The following ITGAE variants were observed in gnomAD, a reference collection of about 807,000 sequenced individuals.
ITGAE encodes integrin subunit alpha E.
ITGAE carries 99 observed loss-of-function variants against 136.5 expected under a neutral mutation model. The observed-to-expected ratio is 0.73, with a 90% CI of 0.62 to 0.86. ITGAE has a LOEUF of 0.86. Among genes scored for constraint, ITGAE ranks in the 40% least tolerant of loss-of-function variants. The pLI is 0.00. For synonymous variants in ITGAE, 613 were observed against 591.8 expected, an observed-to-expected ratio of 1.04 and a Z score of -0.52; for missense variants, 1,447 against 1,515.3, an observed-to-expected ratio of 0.95 and a Z score of 0.75.
chr17:3,739,185 G>A (rs2051528067), intron 20 of ITGAE, among the ~76,000 whole-genome samples: 1 of 152,078 alleles, frequency 6.6e-6, no homozygotes, highest in African/African-American at 2.4e-5. Context: ...GTGTGCCAAA[G>A]TGTCACCCTC....
chr17:3,731,910 CA>C (rs2051352353), intron 22 of ITGAE, among the ~76,000 whole-genome samples: 1 of 151,626 alleles, frequency 6.6e-6, no homozygotes, highest in Admixed American at 6.6e-5. Context: ...CCATCTCTAC[CA>C]AAAATATTTT....
At chr17:3,736,037 G>A (rs1156238021) in intron 20 of ITGAE, among the ~76,000 whole-genome samples, 2 of 152,212 alleles carry the variant, frequency 1.3e-5, no homozygotes, top group African/African-American at 4.8e-5. Flanking sequence ...CCAGCTACTC[G>A]GGAGGCTGAG....
intron 16 of ITGAE, among the ~76,000 whole-genome samples, chr17:3,750,079 C>T (rs2051825825): frequency 6.6e-6 from 1 of 152,166 alleles, no homozygotes; most frequent in Non-Finnish European, 1.5e-5. Flanking sequence ...GTGCTAAATA[C>T]TTTGTATATA....
At chr17:3,724,364 C>T (rs1198228428) in intron 26 of ITGAE, 3 of 1,603,074 alleles carry the variant, frequency 1.9e-6, no homozygotes, top group Non-Finnish European at 1.7e-6. Context: ...GCCGCGACTC[C>T]GGCCGCCTCA....
chr17:3,799,299 G>A lies in ITGAE; in HGVS notation c.34+1812C>T, dbSNP rs939899079. Among the ~76,000 whole-genome samples the A allele has an allele frequency of 2.6e-5, 4 of 152,180 alleles. No homozygotes were observed. The highest frequency in any genetic ancestry group is 9.7e-5 in the African/African-American group (4 of 41,448). ...CGCCACCCACACCGGAGCTGCGGGG[G>A]CCCTGCTCTGGTCCCCTTCCCGTGG... On this transcript the variant is annotated intron_variant, in intron 1 of 30. Coordinates refer to ENST00000263087, the MANE Select transcript of ITGAE (RefSeq NM_002208.5). This position sits in a 1 kb window ranked among gnomAD's most constrained non-coding sequence, Gnocchi z 4.1.
chr17:3,724,145 C>G (rs1290828761), intron 26 of ITGAE: 16 of 1,595,420 alleles, frequency 1.0e-5, no homozygotes, highest in Non-Finnish European at 1.4e-5. Context: ...ACGACCCCGA[C>G]TTCCCCGGCA....
intron 26 of ITGAE, chr17:3,725,039 C>T (rs764029821): frequency 1.3e-5 from 21 of 1,614,104 alleles, no homozygotes; most frequent in Non-Finnish European, 1.7e-5. Flanking sequence ...ATTCGTTCCC[C>T]ACCCAGGACC....
intron 7 of ITGAE, among the ~76,000 whole-genome samples, 170 bp downstream of exon 7, chr17:3,760,002 C>G (rs149711388): frequency 6.6e-6 from 1 of 152,126 alleles, no homozygotes; most frequent in African/African-American, 2.4e-5. Context: ...AGCAACCAGA[C>G]GCCTGCAGCT....
At chr17:3,776,922 A>G (rs1238669071) in intron 2 of ITGAE, among the ~76,000 whole-genome samples, 1 of 151,350 alleles carries the variant, frequency 6.6e-6, no homozygotes, top group African/African-American at 2.4e-5. Context: ...TACTTCCATA[A>G]GGAACAAAAG....
chr17:3,724,402 C>T (rs376550145), intron 26 of ITGAE: 19 of 1,611,326 alleles, frequency 1.2e-5, no homozygotes, highest in Non-Finnish European at 1.4e-5. Context: ...TGCGGCCAGC[C>T]CAGGGACGGC....
At chr17:3,719,281 C>G (rs943985153) in intron 29 of ITGAE, among the ~76,000 whole-genome samples, 2 of 137,530 alleles carry the variant, frequency 1.5e-5, no homozygotes, top group Non-Finnish European at 3.0e-5. Flanking sequence ...AAGAAATACA[C>G]TACTTAAAAA....
chr17:3,781,909 T>C (rs2052674981), intron 1 of ITGAE, among the ~76,000 whole-genome samples: 1 of 151,900 alleles, frequency 6.6e-6, no homozygotes, highest in Non-Finnish European at 1.5e-5. Context: ...GACACGTTAG[T>C]CTCCTGGCCT....
At chr17:3,739,623 GA>G (rs1427422263) in intron 20 of ITGAE, among the ~76,000 whole-genome samples, 181 bp downstream of exon 20, 1 of 152,194 alleles carries the variant, frequency 6.6e-6, no homozygotes, top group East Asian at 1.9e-4. Flanking sequence ...TGGGAAGACA[GA>G]TCTCTGTCTT....
chr17:3,744,580 G>A (rs1049971616), intron 18 of ITGAE, among the ~76,000 whole-genome samples: 3 of 151,952 alleles, frequency 2.0e-5, no homozygotes, highest in African/African-American at 7.3e-5. Context: ...AAGTAGCTGG[G>A]ACTACAGGTG....
intron 2 of ITGAE, among the ~76,000 whole-genome samples, chr17:3,771,657 C>G (rs2052426826): frequency 6.6e-6 from 1 of 151,152 alleles, no homozygotes; most frequent in East Asian, 1.9e-4. Flanking sequence ...TCTCCTGCCT[C>G]TCCTAAGTAG....
intron 26 of ITGAE, chr17:3,724,858 C>T (rs533560843): frequency 1.2e-6 from 2 of 1,613,976 alleles, no homozygotes; most frequent in Admixed American, 3.3e-5. Flanking sequence ...CTTCAAGAGG[C>T]CGTCCGGAGA....
intron 1 of ITGAE, among the ~76,000 whole-genome samples, chr17:3,796,170 C>CGTGTGTGTGTGTGTGTGTGTGTGT (rs71381510): frequency 0.033 from 4,136 of 126,720 alleles, 204 homozygotes; most frequent in Non-Finnish European, 0.047. Flanking sequence ...TGTGTGCATC[C>CGTGTGTGTGTGTGTGTGTGTGTGT]GTGTGTGTGT....
intron 20 of ITGAE, among the ~76,000 whole-genome samples, chr17:3,735,534 T>C (rs1416134016): frequency 6.6e-6 from 1 of 152,032 alleles, no homozygotes; most frequent in Non-Finnish European, 1.5e-5. Context: ...GGTCTTGAAC[T>C]CCTGGGCTCA....
chr17:3,785,771 A>G (rs2052778007), intron 1 of ITGAE, among the ~76,000 whole-genome samples: 1 of 151,734 alleles, frequency 6.6e-6, no homozygotes, highest in African/African-American at 2.4e-5. Flanking sequence ...AAAATGATAA[A>G]TCACTAGCAA....
Sources: allele counts gnomAD v4.1 joint callset (sites outside exome capture counted in the v4.1 genomes callset), GRCh38; gene constraint gnomAD v4.1.1; non-coding constraint Gnocchi (gnomAD v3.1); transcripts MANE v1.5; gene names NCBI Gene and HGNC (gene_info 2026-07-23, HGNC 2026-07-21).